ANTXR1: variants seen among roughly 807,000 people sequenced by gnomAD.
ANTXR1 encodes ANTXR cell adhesion molecule 1.
Under a neutral mutation model 78.1 loss-of-function variants are expected in ANTXR1, and 19 were observed. The ratio of observed to expected loss-of-function variants is 0.24; its 90% CI spans 0.17 to 0.36. ANTXR1 has a LOEUF of 0.36. ANTXR1 is among the 10% of genes least tolerant of loss of function. The pLI, the probability that ANTXR1 is intolerant of heterozygous loss-of-function variation, is 1.00. For missense variants in ANTXR1, 518 were observed against 718.6 expected (o/e 0.72, Z 3.19); for synonymous variants, 273 against 260.5 (o/e 1.05, Z -0.46).
intron 17 of ANTXR1, among the ~76,000 whole-genome samples, chr2:69,235,848 G>A (rs1387201253): frequency 6.7e-6 from 1 of 150,154 alleles, no homozygotes; most frequent in Non-Finnish European, 1.5e-5. Context: ...AACTACCCAA[G>A]ACCAGATAAT....
intron 1 of ANTXR1, among the ~76,000 whole-genome samples, chr2:69,037,114 G>A (rs926525293): frequency 5.8e-4 from 88 of 152,284 alleles, no homozygotes; most frequent in African/African-American, 1.9e-3. Flanking sequence ...GACCCATCTG[G>A]GAAGGCTTCT....
chr2:69,104,946 G>A lies in ANTXR1; in HGVS notation c.802+2006G>A, dbSNP rs551326331. On this transcript the variant is annotated intron_variant, in intron 10 of 17. Transcript: ENST00000303714. Reference sequence around the variant, plus strand: ...CAAAAATACAAAAAATTAACTGGGCGTGGTGGTGCACACCTGTGGTCCCCA... The same window carrying A: ...CAAAAATACAAAAAATTAACTGGGCATGGTGGTGCACACCTGTGGTCCCCA... 4.6e-5 allele frequency among the ~76,000 whole-genome samples: 7 copies of A among 152,166 alleles called. No homozygotes were observed. The East Asian group carries it at 5.8e-4, about 13-fold the overall frequency.
At chr2:69,211,787 T>G (rs1675050878) in intron 17 of ANTXR1, among the ~76,000 whole-genome samples, 1 of 152,236 alleles carries the variant, frequency 6.6e-6, no homozygotes, top group Admixed American at 6.5e-5. Context: ...CTTCCCCTAG[T>G]GCCCTCCACA....
At chr2:69,160,276 C>T (rs376621629) in intron 13 of ANTXR1, among the ~76,000 whole-genome samples, 2 of 152,202 alleles carry the variant, frequency 1.3e-5, no homozygotes, top group East Asian at 3.9e-4. Flanking sequence ...CCTTTGTGGG[C>T]TGCCTGATAA....
intron 17 of ANTXR1, among the ~76,000 whole-genome samples, chr2:69,209,866 G>A (rs1286258546): frequency 2.0e-5 from 3 of 152,218 alleles, no homozygotes; most frequent in African/African-American, 4.8e-5. Flanking sequence ...GTAACATGGA[G>A]GGGAGGGCTT....
chr2:69,244,891 G>A (rs1675977868), intron 17 of ANTXR1, among the ~76,000 whole-genome samples: 1 of 152,088 alleles, frequency 6.6e-6, no homozygotes, highest in East Asian at 1.9e-4. Flanking sequence ...CTGTGCAGTG[G>A]AACAGCTAAT....
chr2:69,078,113 T>G (rs1670795412), intron 8 of ANTXR1, among the ~76,000 whole-genome samples: 1 of 152,216 alleles, frequency 6.6e-6, no homozygotes, highest in Non-Finnish European at 1.5e-5. Context: ...GGTGATTTTC[T>G]TCACACCTTT....
chr2:69,181,951 AC>A, intron 15 of ANTXR1, 70 bp downstream of exon 15: 1 of 1,480,600 alleles, frequency 6.8e-7, no homozygotes, highest in Non-Finnish European at 9.4e-7. Flanking sequence ...GCCGGGCCTG[AC>A]CCTGCTTAGC....
At position 69,085,857 on chromosome 2, in the gene ANTXR1, A is replaced by G. The variant is rs56833535; in HGVS notation, c.643-5002A>G. On this transcript the variant is annotated intron_variant, in intron 8 of 17. Transcript: ENST00000303714. ...TCATATTGGATTTGGAGAGTGACAG[A>G]GAGAGCAAGGCTAACTTAAACGTTC... Among the ~76,000 whole-genome samples, 408 of 152,368 alleles carry G rather than the reference A, an allele frequency of 2.7e-3. 2 individuals are homozygous for G. The highest frequency in any genetic ancestry group is 9.7e-3 in the African/African-American group (402 of 41,596).
intron 13 of ANTXR1, among the ~76,000 whole-genome samples, chr2:69,152,533 G>C (rs1673425598): frequency 6.6e-6 from 1 of 152,080 alleles, no homozygotes; most frequent in South Asian, 2.1e-4. Flanking sequence ...TGGTGCTTAG[G>C]GAAGATCCAC....
intron 15 of ANTXR1, 32 bp downstream of exon 15, chr2:69,181,913 T>C: frequency 1.9e-6 from 3 of 1,605,416 alleles, no homozygotes; most frequent in Non-Finnish European, 2.6e-6. Context: ...CACTTATCTA[T>C]GTGCTGACTA....
intron 1 of ANTXR1, among the ~76,000 whole-genome samples, chr2:69,018,226 C>T (rs1256326758): frequency 6.6e-6 from 1 of 152,154 alleles, no homozygotes; most frequent in Non-Finnish European, 1.5e-5. Flanking sequence ...ACCATGTGCT[C>T]CTTCCCCGTA....
chr2:69,031,088 A>G (rs932597262), intron 1 of ANTXR1, among the ~76,000 whole-genome samples: 9 of 152,214 alleles, frequency 5.9e-5, no homozygotes, highest in Non-Finnish European at 8.8e-5. Flanking sequence ...CGGAGACCAC[A>G]TGGCCCCCAG....
rs1573908133 is a variant in ANTXR1 at position 69,124,502 on chromosome 2, G to T, written c.873-63G>T. 16 of 1,427,152 alleles carry T rather than the reference G, an allele frequency of 1.1e-5. No homozygotes were observed. In the East Asian group the frequency reaches 3.4e-4, roughly 30 times the overall value. The allele number at this position is 1,427,152 out of a possible 1,614,324, so 88.4% of individuals were successfully genotyped here. A position where few individuals can be genotyped will look rare whatever the true frequency, so the allele number is the denominator to read the frequency against. ...AGCCCAAAGGAGTCCTGTGTGTCTG[G>T]CTCTCAGCCTGTTGCTCATTGCACG... On this transcript the variant is annotated intron_variant, in intron 11 of 17. Coordinates refer to ENST00000303714, the MANE Select transcript of ANTXR1 (RefSeq NM_032208.3).
Position 69,162,182 on chromosome 2 carries a change from C to G in ANTXR1, c.1048-8066C>G, listed in dbSNP as rs545601613. On this transcript the variant is annotated intron_variant, in intron 13 of 17. Transcript: ENST00000303714. ...TTCCAGGGCCCAAATAAAGCAGGAT[C>G]TGGAAATCAGATGGTCATCTGACCC... Among the ~76,000 whole-genome samples, 5 of 152,310 alleles carry G rather than the reference C, an allele frequency of 3.3e-5. No homozygotes were observed. In the South Asian group the frequency reaches 8.3e-4, roughly 25 times the overall value.
chr2:69,219,184 G>A (rs1192081838), intron 17 of ANTXR1, among the ~76,000 whole-genome samples: 2 of 152,140 alleles, frequency 1.3e-5, no homozygotes, highest in Non-Finnish European at 2.9e-5. Flanking sequence ...CTGGGTTCTG[G>A]TGGTCCTACT....
At chr2:69,034,890 G>T (rs545766975) in intron 1 of ANTXR1, among the ~76,000 whole-genome samples, 10 of 152,292 alleles carry the variant, frequency 6.6e-5, no homozygotes, top group African/African-American at 2.2e-4. Flanking sequence ...AGGGTGGAAA[G>T]AAACTGGAAT....
intron 16 of ANTXR1, among the ~76,000 whole-genome samples, chr2:69,190,420 C>T (rs1205137621): frequency 6.6e-6 from 1 of 152,168 alleles, no homozygotes; most frequent in Non-Finnish European, 1.5e-5. Flanking sequence ...TGCTGGATTC[C>T]TACACTCTGT....
At chr2:69,138,654 G>A (rs889246691) in intron 12 of ANTXR1, among the ~76,000 whole-genome samples, 3 of 152,178 alleles carry the variant, frequency 2.0e-5, no homozygotes, top group Non-Finnish European at 4.4e-5. Flanking sequence ...AGCCACAAAC[G>A]ATACATAACT....
Sources: gnomAD v4.1 joint callset for allele counts (sites outside exome capture counted in the v4.1 genomes callset) on GRCh38, gnomAD v4.1.1 for gene constraint, MANE v1.5 for transcripts, NCBI Gene and HGNC (gene_info 2026-07-23, HGNC 2026-07-21) for gene names.